The following EPB41L4B variants were observed in gnomAD, a reference collection of about 807,000 sequenced individuals.
EPB41L4B encodes the protein erythrocyte membrane protein band 4.1 like 4B.
Under a neutral mutation model 112.5 loss-of-function variants are expected in EPB41L4B, and 30 were observed. The observed-to-expected ratio is 0.27, with a 90% CI of 0.20 to 0.36. The LOEUF (loss-of-function observed/expected upper bound fraction) is 0.36, where lower values mean the gene tolerates loss of function less well. Ranked by LOEUF, EPB41L4B falls within the 10% of genes least tolerant of loss-of-function variation. EPB41L4B has a pLI of 1.00. For missense variants in EPB41L4B, 1,024 were observed against 1,133.3 expected, an observed-to-expected ratio of 0.90 and a Z score of 1.38; for synonymous variants, 408 against 439.7, an observed-to-expected ratio of 0.93 and a Z score of 0.90.
chr9:109,213,867 T>G (rs763457335), intron 16 of EPB41L4B, 49 bp from the exon 17 acceptor site: 1 of 1,547,354 alleles, frequency 6.5e-7, no homozygotes, highest in Non-Finnish European at 8.9e-7. Context: ...AAAGGACAGA[T>G]AGATACAGGG....
rs201114647 is a variant in EPB41L4B, at chr9:109,210,531, T to C, written c.1753-2482A>G. Among the ~76,000 whole-genome samples the C allele has an allele frequency of 2.6e-4, 39 of 152,322 alleles. No homozygotes were observed. In the East Asian group the frequency reaches 3.7e-3, roughly 14 times the overall value. On this transcript the variant is annotated intron_variant, in intron 17 of 25. Coordinates refer to ENST00000374566, the MANE Select transcript of EPB41L4B (RefSeq NM_019114.5). ...ATGCTGCTAAAATAAGAACGAAAAGTTAGCACTGATTTTCCCCTTGAATTT... is the reference window on the plus strand; with the variant it reads ...ATGCTGCTAAAATAAGAACGAAAAGCTAGCACTGATTTTCCCCTTGAATTT...
chr9:109,175,862 A>T (rs1341881571), intron 25 of EPB41L4B, among the ~76,000 whole-genome samples: 1 of 152,138 alleles, frequency 6.6e-6, no homozygotes, highest in African/African-American at 2.4e-5. Flanking sequence ...TGTCAGGCAC[A>T]TGCTTCCTCA....
At chr9:109,236,820 C>G (rs542805997) in intron 15 of EPB41L4B, among the ~76,000 whole-genome samples, 1 of 152,298 alleles carries the variant, frequency 6.6e-6, no homozygotes, top group Admixed American at 6.5e-5. Flanking sequence ...CTTTTTCTCT[C>G]CGCCCCCTTA....
At chr9:109,181,343 G>A (rs1832044992) in intron 24 of EPB41L4B, among the ~76,000 whole-genome samples, 1 of 152,134 alleles carries the variant, frequency 6.6e-6, no homozygotes, top group African/African-American at 2.4e-5. Context: ...CCAGAGAGGT[G>A]GTGACAAGAA....
intron 15 of EPB41L4B, among the ~76,000 whole-genome samples, chr9:109,226,444 A>T (rs1833759744): frequency 6.6e-6 from 1 of 151,686 alleles, no homozygotes; most frequent in Admixed American, 6.6e-5. Context: ...GTTTGTTGCT[A>T]ATTTATAGGT....
chr9:109,299,821 T>C (rs1283027183), intron 1 of EPB41L4B, among the ~76,000 whole-genome samples: 13 of 152,326 alleles, frequency 8.5e-5, no homozygotes, highest in African/African-American at 2.9e-4. Context: ...TCCTCCTGCC[T>C]GTGCTGAAGT....
chr9:109,192,293 T>A lies in EPB41L4B; in HGVS notation c.2286A>T (p.Thr762=). 6.2e-7 allele frequency: 1 copy of A among 1,610,592 alleles called. No individual in the cohort carries two copies. Among genetic ancestry groups the A allele is most frequent in the Non-Finnish European group, 8.5e-7 (1 of 1,178,382 alleles). The change falls in exon 22 of 26, where the codon ACA becomes ACT. Residue 762 remains threonine (T), a synonymous_variant. Coordinates refer to ENST00000374566, the MANE Select transcript of EPB41L4B (RefSeq NM_019114.5). Reference sequence around the variant, plus strand: ...GGAAGTTTACCAGAGGAGTGGCTTCTGTGAAATCCATCAGAAGATCACCCG... The same window carrying A: ...GGAAGTTTACCAGAGGAGTGGCTTCAGTGAAATCCATCAGAAGATCACCCG... The part of the protein sequence containing the change: ...LEPGDLLMDF[T]EATPLAEPAS...
At chr9:109,236,384 T>C (rs1012430011) in intron 15 of EPB41L4B, among the ~76,000 whole-genome samples, 4 of 151,808 alleles carry the variant, frequency 2.6e-5, no homozygotes, top group African/African-American at 9.7e-5. Context: ...CTTATTATGA[T>C]GTGTCCATCC....
At chr9:109,240,446 T>C (rs1834315226) in intron 15 of EPB41L4B, 1 of 985,306 alleles carries the variant, frequency 1.0e-6, no homozygotes, top group Non-Finnish European at 1.2e-6. Context: ...AAACATTTTT[T>C]AGAGGGCCTA....
chr9:109,224,680 T>C (rs13299557), intron 15 of EPB41L4B, among the ~76,000 whole-genome samples: 19,171 of 152,204 alleles, frequency 0.13, 1,363 homozygotes, highest in Middle Eastern at 0.23. Context: ...AGTTGTACAA[T>C]TGATGTGTAT....
chr9:109,259,432 C>A (rs1325889606), intron 6 of EPB41L4B, among the ~76,000 whole-genome samples: 3 of 152,162 alleles, frequency 2.0e-5, no homozygotes, highest in Non-Finnish European at 4.4e-5. Context: ...TGTGGCGACC[C>A]TGGAAAACAC....
chr9:109,321,032 C>G lies in EPB41L4B; in HGVS notation c.-586G>C, dbSNP rs1173769835. 5.3e-6 allele frequency: 1 copy of G among 187,488 alleles called. No homozygotes were observed. Among genetic ancestry groups the G allele is most frequent in the Non-Finnish European group, 1.1e-5 (1 of 93,052 alleles). The allele number at this position is 187,488 out of a possible 1,614,324, so 11.6% of individuals were successfully genotyped here. A position where few individuals can be genotyped will look rare whatever the true frequency, so the allele number is the denominator to read the frequency against. On this transcript the variant is annotated 5_prime_UTR_variant, in exon 1 of 26. Coordinates refer to ENST00000374566, the MANE Select transcript of EPB41L4B (RefSeq NM_019114.5). ...CAGCCGCCGCCGCCGCCGCCGCCGC[C>G]GCTGCCGCCGGGACTGCAGCACGCC...
intron 1 of EPB41L4B, among the ~76,000 whole-genome samples, chr9:109,283,332 T>C (rs1016655681): frequency 1.3e-5 from 2 of 152,208 alleles, no homozygotes; most frequent in African/African-American, 4.8e-5. Context: ...GTGACACACA[T>C]AGCAGCAGTA....
chr9:109,286,926 A>G (rs1836308622), intron 1 of EPB41L4B, among the ~76,000 whole-genome samples: 1 of 152,110 alleles, frequency 6.6e-6, no homozygotes, highest in South Asian at 2.1e-4. Flanking sequence ...AACACAGTAG[A>G]CTCCAGAGAG....
At position 109,223,274 on chromosome 9, in the gene EPB41L4B, C is replaced by A. The variant is rs1157177621; in HGVS notation, c.1410-6129G>T. Among the ~76,000 whole-genome samples the A allele has an allele frequency of 3.3e-5, 5 of 151,832 alleles. No individual in the cohort carries two copies. The East Asian group carries it at 9.7e-4, about 30-fold the overall frequency. ...ACATGGGGTGATCCCATTTCCACAA[C>A]AACAACAAAAAATTAACCCGGTATG... is the stretch of plus-strand genomic sequence containing the variant. On this transcript the variant is annotated intron_variant, in intron 15 of 25. Coordinates refer to ENST00000374566, the MANE Select transcript of EPB41L4B (RefSeq NM_019114.5).
chr9:109,192,218 A>G (rs1410783225), intron 22 of EPB41L4B, 60 bp downstream of exon 22: 5 of 1,366,588 alleles, frequency 3.7e-6, no homozygotes, highest in Admixed American at 3.9e-5. Flanking sequence ...CATCCGTCCC[A>G]CTGCCAAGAT....
At chr9:109,261,820 CCT>C (rs144857578) in intron 6 of EPB41L4B, among the ~76,000 whole-genome samples, 2,621 of 152,182 alleles carry the variant, frequency 0.017, 66 homozygotes, top group African/African-American at 0.05. Flanking sequence ...TTTGAAAAAA[CCT>C]CTCAGTTCCA....
At chr9:109,226,629 TGAAGA>T (rs1281215156) in intron 15 of EPB41L4B, among the ~76,000 whole-genome samples, 38 of 134,276 alleles carry the variant, frequency 2.8e-4, no homozygotes, top group African/African-American at 9.9e-4. Flanking sequence ...TATATATATA[TGAAGA>T]ATATATATAT....
In EPB41L4B at chr9:109,172,903, G is replaced by A. The variant is rs1831681773; in HGVS notation, c.*1651C>T. On this transcript the variant is annotated 3_prime_UTR_variant, in exon 26 of 26. Coordinates refer to ENST00000374566, the MANE Select transcript of EPB41L4B (RefSeq NM_019114.5). ...TTGGCACCATTCAGTTTTAAGGAGA[G>A]GGGCAGGAGAGCAAACTATACAATA... 1 of 152,542 alleles carries A rather than the reference G, an allele frequency of 6.6e-6. No homozygotes were observed. Among genetic ancestry groups the A allele is most frequent in the Admixed American group, 6.6e-5 (1 of 15,264 alleles). The allele number at this position is 152,542 out of a possible 1,614,324, so 9.4% of individuals were successfully genotyped here.
Sources: gnomAD v4.1 joint callset for allele counts (sites outside exome capture counted in the v4.1 genomes callset) on GRCh38, gnomAD v4.1.1 for gene constraint, MANE v1.5 for transcripts, NCBI Gene and HGNC (gene_info 2026-07-23, HGNC 2026-07-21) for gene names.